Variants in STK3 observed in about 807,000 individuals in gnomAD.
STK3 encodes the protein serine/threonine kinase 3.
STK3 carries 41 observed loss-of-function variants against 58.0 expected under a neutral mutation model. The observed-to-expected ratio is 0.71, with a 90% CI of 0.55 to 0.92. The LOEUF (loss-of-function observed/expected upper bound fraction) is 0.92. STK3 is among the 40% of genes least tolerant of loss of function. STK3 has a pLI of 0.00. For missense variants in STK3, 479 were observed against 602.7 expected (o/e 0.79, Z 2.15); for synonymous variants, 170 against 191.0 (o/e 0.89, Z 0.91).
intron 3 of STK3, among the ~76,000 whole-genome samples, chr8:98,864,592 T>TG (rs1236380860): frequency 2.6e-5 from 4 of 152,358 alleles, no homozygotes; most frequent in African/African-American, 9.6e-5. Flanking sequence ...CATGGTTTCC[T>TG]TTTTCTTGGT....
At chr8:98,815,442 C>A (rs991877236) in intron 1 of STK3, among the ~76,000 whole-genome samples, 11 of 152,152 alleles carry the variant, frequency 7.2e-5, no homozygotes, top group African/African-American at 2.2e-4. Context: ...AGAGAAACCA[C>A]GGCTTTTTGG....
chr8:98,709,653 A>G (rs1474577451), intron 4 of STK3, among the ~76,000 whole-genome samples: 2 of 152,222 alleles, frequency 1.3e-5, no homozygotes, highest in Admixed American at 6.5e-5. Context: ...AAAATCGAAC[A>G]ATGCAATACA....
chr8:98,512,500 A>T (rs540876025), intron 10 of STK3, among the ~76,000 whole-genome samples: 39 of 152,320 alleles, frequency 2.6e-4, no homozygotes, highest in African/African-American at 9.4e-4. Context: ...CATAAACAAT[A>T]TGTGCCACAT....
intron 8 of STK3, among the ~76,000 whole-genome samples, chr8:98,576,219 G>C (rs1008149909): frequency 1.3e-5 from 2 of 152,080 alleles, no homozygotes; most frequent in Non-Finnish European, 2.9e-5. Context: ...TAGATTTATG[G>C]GTTTATTTCC....
At chr8:98,725,620 A>G (rs1463006299) in intron 4 of STK3, among the ~76,000 whole-genome samples, 1 of 152,200 alleles carries the variant, frequency 6.6e-6, no homozygotes, top group Non-Finnish European at 1.5e-5. Context: ...AAGATTAAAC[A>G]AAAGTAAGAT....
chr8:98,523,320 T>A (rs553564643), intron 10 of STK3, among the ~76,000 whole-genome samples: 1 of 152,176 alleles, frequency 6.6e-6, no homozygotes, highest in Non-Finnish European at 1.5e-5. Context: ...TCTTTTCATG[T>A]GTTTATTAGC....
chr8:98,464,679 C>G (rs1040662651), intron 10 of STK3, among the ~76,000 whole-genome samples: 9 of 151,210 alleles, frequency 6.0e-5, no homozygotes, highest in African/African-American at 2.2e-4. Flanking sequence ...TCAATCCAAA[C>G]TACTATGAAG....
At position 98,670,315 on chromosome 8, in the gene STK3, T is replaced by C. The variant is rs552527843; in HGVS notation, c.684+36152A>G. Among the ~76,000 whole-genome samples the C allele has an allele frequency of 2.0e-5, 3 of 152,086 alleles. No homozygotes were observed. In the East Asian group the frequency reaches 5.8e-4, roughly 29 times the overall value. ...CTCGAGGGGTTGCAGTGAACCGTGA[T>C]CGCACCACTGCTCTCCAGCCTGGGT... On this transcript the variant is annotated intron_variant, in intron 6 of 10. Transcript: ENST00000419617.
chr8:98,879,390 G>T (rs1055651647), downstream of STK3: 2 of 152,162 alleles, frequency 1.3e-5, no homozygotes, highest in African/African-American at 4.8e-5. Context: ...GACCACGGTT[G>T]TTACTCTTTC....
chr8:98,834,859 A>C (rs74696980), intron 3 of STK3, among the ~76,000 whole-genome samples: 1,666 of 152,356 alleles, frequency 0.011, 29 homozygotes, highest in African/African-American at 0.037. Flanking sequence ...TTAAGTATAG[A>C]GTTTACTCCA....
intron 3 of STK3, among the ~76,000 whole-genome samples, chr8:98,875,097 T>C (rs769342653): frequency 1.3e-5 from 2 of 152,208 alleles, no homozygotes; most frequent in Non-Finnish European, 2.9e-5. Context: ...ATAGTATCAA[T>C]GGATAGGTCC....
chr8:98,643,023 G>T (rs1210685946), intron 6 of STK3, among the ~76,000 whole-genome samples: 1 of 152,054 alleles, frequency 6.6e-6, no homozygotes, highest in Non-Finnish European at 1.5e-5. Context: ...AGGAGTTTGG[G>T]ACCAGCTTGA....
intron 1 of STK3, among the ~76,000 whole-genome samples, chr8:98,912,316 G>A (rs1300200183): frequency 6.6e-6 from 1 of 151,950 alleles, no homozygotes; most frequent in Non-Finnish European, 1.5e-5. Context: ...AGGAGGAGGT[G>A]GCAGTGAGCA....
At chr8:98,919,629 C>T (rs1303538736) in intron 1 of STK3, among the ~76,000 whole-genome samples, 3 of 151,946 alleles carry the variant, frequency 2.0e-5, no homozygotes, top group African/African-American at 7.3e-5. Flanking sequence ...TTTCAATGTA[C>T]GTAAATTTTA....
chr8:98,514,363 T>C (rs1331849629), intron 10 of STK3, among the ~76,000 whole-genome samples: 1 of 152,090 alleles, frequency 6.6e-6, no homozygotes, highest in Non-Finnish European at 1.5e-5. Flanking sequence ...TCAAAGTATG[T>C]TTTTTAAAAA....
intron 8 of STK3, among the ~76,000 whole-genome samples, chr8:98,551,039 G>C (rs1293060961): frequency 6.6e-6 from 1 of 152,054 alleles, no homozygotes; most frequent in Non-Finnish European, 1.5e-5. Flanking sequence ...ATACAGGCAG[G>C]CTGGACTTTA....
intron 7 of STK3, among the ~76,000 whole-genome samples, chr8:98,590,174 C>T (rs904294952): frequency 2.6e-4 from 40 of 152,092 alleles, no homozygotes; most frequent in African/African-American, 6.3e-4. Flanking sequence ...TTCTCATTTC[C>T]GACAAAAGAA....
intron 10 of STK3, among the ~76,000 whole-genome samples, chr8:98,480,882 C>A (rs1324648431): frequency 6.6e-6 from 1 of 152,086 alleles, no homozygotes; most frequent in African/African-American, 2.4e-5. Context: ...ACACACAAAG[C>A]AAATACAGCA....
chr8:98,676,238 G>A lies in STK3; in HGVS notation c.684+30229C>T, dbSNP rs114803772. 8.4e-3 allele frequency among the ~76,000 whole-genome samples: 1,275 copies of A among 152,310 alleles called. 17 individuals are homozygous for A. The highest frequency in any genetic ancestry group is 0.028 in the African/African-American group (1,174 of 41,560). On this transcript the variant is annotated intron_variant, in intron 6 of 10. Transcript: ENST00000419617. ...TAGTAGGAAGTAACTGTTTTAACAG[G>A]CATGGAGTTTCAGTTTGGGATGATG...
Sources: allele counts gnomAD v4.1 joint callset (sites outside exome capture counted in the v4.1 genomes callset), GRCh38; gene constraint gnomAD v4.1.1; transcripts MANE v1.5; gene names NCBI Gene and HGNC (gene_info 2026-07-23, HGNC 2026-07-21).